The following EPHX1 variants were observed in gnomAD, a reference collection of about 807,000 sequenced individuals.
EPHX1 encodes the protein epoxide hydratase.
A neutral mutation model predicts 43.2 loss-of-function variants in EPHX1; 40 were observed. The ratio of observed to expected loss-of-function variants is 0.93; its 90% confidence interval spans 0.72 to 1.21. EPHX1 has a LOEUF of 1.21. Among genes scored for constraint, EPHX1 ranks in the 50% most tolerant of loss-of-function variants. The pLI is 0.00. For synonymous variants in EPHX1, 221 were observed against 226.7 expected (o/e 0.98, Z 0.22); for missense variants, 550 against 570.4 (o/e 0.96, Z 0.36).
At chr1:225,836,318 G>A (rs1038552763) in intron 3 of EPHX1, among the ~76,000 whole-genome samples, 7 of 152,242 alleles carry the variant, frequency 4.6e-5, no homozygotes, top group African/African-American at 1.7e-4. Flanking sequence ...TCCTGGCCGG[G>A]TGTGGTGGCT....
At chr1:225,813,760 C>G (rs143416639) in intron 1 of EPHX1, among the ~76,000 whole-genome samples, 1 of 152,326 alleles carries the variant, frequency 6.6e-6, no homozygotes, top group South Asian at 2.1e-4. Context: ...ACCCGCCCTG[C>G]TGTCTGTGTC....
At chr1:225,841,032 A>ACC (rs1668358100) in intron 6 of EPHX1, 1 of 152,222 alleles carries the variant, frequency 6.6e-6, no homozygotes, top group Admixed American at 6.5e-5. Flanking sequence ...CTCTCCTTCA[A>ACC]AAGAACTTGT....
chr1:225,843,837 GT>G (rs1199406168), intron 7 of EPHX1, among the ~76,000 whole-genome samples: 1 of 152,226 alleles, frequency 6.6e-6, no homozygotes, highest in Non-Finnish European at 1.5e-5. Context: ...ACTGGAACTA[GT>G]TTTCATTGAC....
intron 1 of EPHX1, among the ~76,000 whole-genome samples, chr1:225,813,417 C>T (rs1186887012): frequency 6.6e-6 from 1 of 152,178 alleles, no homozygotes; most frequent in Non-Finnish European, 1.5e-5. Flanking sequence ...GAAGGCACCC[C>T]AGCAGTTCCC....
chr1:225,816,283 GCT>G (rs1666722125), intron 1 of EPHX1, among the ~76,000 whole-genome samples: 1 of 151,936 alleles, frequency 6.6e-6, no homozygotes, highest in Admixed American at 6.6e-5. Context: ...ATAAAGCAAG[GCT>G]CTGTCTTTAA....
chr1:225,836,600 AAAG>A (rs897321963), intron 3 of EPHX1, among the ~76,000 whole-genome samples: 25 of 152,170 alleles, frequency 1.6e-4, no homozygotes, highest in Admixed American at 7.2e-4. Context: ...CTCATCTCTA[AAAG>A]AAGAAGAAAA....
In EPHX1 at chr1:225,844,581, A is replaced by G. The variant is rs1274499840; in HGVS notation, c.1124A>G (p.Lys375Arg). 1 of 1,614,098 alleles carries G rather than the reference A, an allele frequency of 6.2e-7. No homozygotes were observed. The highest frequency in any genetic ancestry group is 1.7e-5 in the Admixed American group (1 of 60,028). The stretch of plus-strand genomic sequence containing the variant: ...ATCATCTCCTCCCAGCGCTTCTACA[A>G]GGAGAACCTGGGACAGGGCTGGATG... ...GTIISSQRFY[K>R]ENLGQGWMTQ... The change falls in exon 8 of 9, where the codon AAG becomes AGG. Residue 375 changes from lysine to arginine, a missense_variant. Lys to Arg is a conservative substitution (Grantham distance 26, BLOSUM62 2). Coordinates refer to ENST00000272167, the MANE Select transcript of EPHX1 (RefSeq NM_001136018.4).
At chr1:225,816,815 G>A (rs1488327847) in intron 1 of EPHX1, among the ~76,000 whole-genome samples, 4 of 152,216 alleles carry the variant, frequency 2.6e-5, no homozygotes, top group South Asian at 4.1e-4. Flanking sequence ...CTAACTGCCC[G>A]CGGGCTGGCT....
intron 1 of EPHX1, among the ~76,000 whole-genome samples, chr1:225,823,211 T>G (rs1407196563): frequency 1.3e-5 from 2 of 152,058 alleles, no homozygotes; most frequent in African/African-American, 4.8e-5. Flanking sequence ...TTTTTTTTTT[T>G]TTTAAGATGA....
At chr1:225,845,039 T>C (rs1668823875) in intron 8 of EPHX1, 107 bp from the exon 9 acceptor site, 1 of 1,187,374 alleles carries the variant, frequency 8.4e-7, no homozygotes, top group East Asian at 2.3e-5. Flanking sequence ...TGGCTCCTTG[T>C]GGGTGGGCCA....
rs745910877 is a variant in EPHX1 at position 225,839,360 on chromosome 1, TGGG to T, written c.722+16_722+18del. 1.3e-6 allele frequency: 2 copies of T among 1,595,468 alleles called. No homozygotes were observed. Among genetic ancestry groups the T allele is most frequent in the South Asian group, 2.2e-5 (2 of 90,222 alleles). On this transcript the variant is annotated intron_variant, in intron 5 of 8. Transcript: ENST00000272167. ...GCTGGTGCCCAGGTGAGGTCACTGT[TGGG>T]GTGGTGTGTGTGTGTGTGTGTGTGT...
rs1036421097 is a variant in EPHX1 at position 225,817,235 on chromosome 1, T to C, written c.-6+7066T>C. Among the ~76,000 whole-genome samples, 7 of 151,934 alleles carry C rather than the reference T, an allele frequency of 4.6e-5. No homozygotes were observed. Among genetic ancestry groups the C allele is most frequent in the African/African-American group, 1.7e-4 (7 of 41,364 alleles). Reference sequence around the variant, plus strand: ...CAATGGCTGAGGGAGAAGCTGGGAGTTCCCCCCAGGGTTTGCCTCCGTCAC... The same window carrying C: ...CAATGGCTGAGGGAGAAGCTGGGAGCTCCCCCCAGGGTTTGCCTCCGTCAC... On this transcript the variant is annotated intron_variant, in intron 1 of 8. Transcript: ENST00000272167. The surrounding 1 kb of genome is among the most constrained non-coding windows in gnomAD (Gnocchi z 5.7).
intron 1 of EPHX1, among the ~76,000 whole-genome samples, chr1:225,811,562 G>A (rs1048962620): frequency 1.3e-5 from 2 of 152,138 alleles, no homozygotes; most frequent in Non-Finnish European, 2.9e-5. Flanking sequence ...TGGCTGTTTC[G>A]GTACCACTGT....
chr1:225,811,856 C>A (rs1183229724), intron 1 of EPHX1, among the ~76,000 whole-genome samples: 2 of 152,094 alleles, frequency 1.3e-5, no homozygotes, highest in African/African-American at 4.8e-5. Context: ...TGAGGCACAG[C>A]GGGGAGCATG....
At chr1:225,844,011 T>C (rs775163279) in intron 7 of EPHX1, among the ~76,000 whole-genome samples, 1 of 151,902 alleles carries the variant, frequency 6.6e-6, no homozygotes, top group Non-Finnish European at 1.5e-5. Context: ...GGCTGTGGAG[T>C]ATGCATCCTG....
intron 1 of EPHX1, among the ~76,000 whole-genome samples, chr1:225,820,989 T>C (rs942808168): frequency 6.6e-6 from 1 of 152,118 alleles, no homozygotes; most frequent in African/African-American, 2.4e-5. Context: ...AAAAACATGT[T>C]TATACTTGCT....
chr1:225,839,965 G>T lies in EPHX1; in HGVS notation c.859G>T (p.Glu287Ter), dbSNP rs1668262077. The T allele has an allele frequency of 6.2e-7, 1 of 1,614,178 alleles. No homozygotes were observed. The highest frequency in any genetic ancestry group is 8.5e-7 in the Non-Finnish European group (1 of 1,179,984). Residue 287 changes from glutamate (E) to a stop codon, truncating the protein, a stop_gained, in exon 6 of 9, where the codon GAG becomes TAG. Transcript: ENST00000272167. LOFTEE classifies it high-confidence loss of function. Reference sequence around the variant, plus strand: ...TGTGGAGCTGCTGTACCCCGTCAAGGAGAAGGTATTCTACAGCCTGATGAG... The same window carrying T: ...TGTGGAGCTGCTGTACCCCGTCAAGTAGAAGGTATTCTACAGCCTGATGAG... ...RDVELLYPVK[E>*]KVFYSLMRES...
chr1:225,812,155 A>G (rs1359480175), intron 1 of EPHX1, among the ~76,000 whole-genome samples: 1 of 152,156 alleles, frequency 6.6e-6, no homozygotes, highest in Admixed American at 6.5e-5. Flanking sequence ...GTGTGGGTCA[A>G]GCTGATGAGT....
rs556212945 is a variant in EPHX1 at position 225,844,529 on chromosome 1, G to A, written c.1072G>A (p.Val358Ile). 55 of 1,614,004 alleles carry A rather than the reference G, an allele frequency of 3.4e-5. No homozygotes were observed. Among genetic ancestry groups the A allele is most frequent in the Non-Finnish European group, 2.9e-5 (34 of 1,180,006 alleles). The change falls in exon 8 of 9, where the codon GTC (valine) becomes ATC (isoleucine). Residue 358 changes from valine (V) to isoleucine (I), a missense_variant. Val to Ile is a conservative substitution (Grantham distance 29). Transcript: ENST00000272167. ...KFSLDDLLTNVMLYWTTGTII... is the reference protein window; with the variant it reads ...KFSLDDLLTNIMLYWTTGTII... The stretch of plus-strand genomic sequence containing the variant: ...CTCCCTGGACGACCTGCTGACCAAC[G>A]TCATGCTCTACTGGACAACAGGCAC...
Sources: allele counts gnomAD v4.1 joint callset (sites outside exome capture counted in the v4.1 genomes callset), GRCh38; gene constraint gnomAD v4.1.1; non-coding constraint Gnocchi (gnomAD v3.1); transcripts MANE v1.5; gene names NCBI Gene and HGNC (gene_info 2026-07-23, HGNC 2026-07-21).